The following UNC5D variants were observed in gnomAD, a reference collection of about 807,000 sequenced individuals.
UNC5D encodes unc-5 netrin receptor D.
In UNC5D, 39 loss-of-function variants were observed where a neutral mutation model predicts 105.4. The observed-to-expected ratio is 0.37, with a 90% CI of 0.29 to 0.48. UNC5D has a LOEUF of 0.48. Ranked by LOEUF, UNC5D falls within the 20% of genes least tolerant of loss-of-function variation. UNC5D has a pLI of 0.98. For missense variants in UNC5D, 991 were observed against 1,202.4 expected, an observed-to-expected ratio of 0.82 and a Z score of 2.60; for synonymous variants, 452 against 450.4, an observed-to-expected ratio of 1.00 and a Z score of -0.04.
At chr8:35,590,434 GT>G (rs1289384797) in intron 3 of UNC5D, among the ~76,000 whole-genome samples, 2 of 151,970 alleles carry the variant, frequency 1.3e-5, no homozygotes, top group Non-Finnish European at 2.9e-5. Flanking sequence ...CATTAATCTA[GT>G]TTTATTTTTT....
At chr8:35,466,835 A>C (rs749592879) in intron 1 of UNC5D, among the ~76,000 whole-genome samples, 1 of 152,222 alleles carries the variant, frequency 6.6e-6, no homozygotes. Context: ...GCACAACTGC[A>C]TGCTCCCAAG....
intron 3 of UNC5D, among the ~76,000 whole-genome samples, chr8:35,582,580 C>T (rs1818533410): frequency 6.6e-6 from 1 of 152,136 alleles, no homozygotes; most frequent in Non-Finnish European, 1.5e-5. Context: ...TTTACATGCT[C>T]ATGACACTGG....
chr8:35,270,446 G>T (rs7014149), intron 1 of UNC5D, among the ~76,000 whole-genome samples: 67,924 of 151,942 alleles, frequency 0.45, 15,591 homozygotes, highest in East Asian at 0.7. Context: ...AGCTTTATGA[G>T]AAACCATTTT....
chr8:35,548,403 C>T (rs879783996), intron 1 of UNC5D, among the ~76,000 whole-genome samples: 1 of 152,158 alleles, frequency 6.6e-6, no homozygotes, highest in Non-Finnish European at 1.5e-5. Context: ...GATGCCACTC[C>T]TCCTTGTCCT....
intron 1 of UNC5D, among the ~76,000 whole-genome samples, chr8:35,242,872 G>A (rs1367767022): frequency 6.6e-6 from 1 of 152,158 alleles, no homozygotes; most frequent in Non-Finnish European, 1.5e-5. Context: ...AGTCATTGGT[G>A]TCTTCTGTTA....
intron 4 of UNC5D, among the ~76,000 whole-genome samples, chr8:35,674,391 G>A (rs1825049506): frequency 6.6e-6 from 1 of 152,078 alleles, no homozygotes; most frequent in African/African-American, 2.4e-5. Context: ...GTATAAATGT[G>A]TGTGAGTGTG....
rs5890816 is a variant in UNC5D at position 35,482,793 on chromosome 8, C to CTTTTTTTTTTTT, written c.104-66484_104-66473dup. Among the ~76,000 whole-genome samples, 4 of 78,146 alleles carry CTTTTTTTTTTTT rather than the reference C, an allele frequency of 5.1e-5. 1 individual carries two copies. Among genetic ancestry groups the CTTTTTTTTTTTT allele is most frequent in the African/African-American group, 1.1e-4 (2 of 18,232 alleles). 51.3% of individuals were successfully genotyped at this position (78,146 alleles called of 152,430 possible). On this transcript the variant is annotated intron_variant, in intron 1 of 16. Transcript: ENST00000404895. ...TATATCAGTGTGTCATTAAAGAGAT[C>CTTTTTTTTTTTT]TTTTTTTTTTTTTTTTTTTTTTTTT...
At chr8:35,728,095 A>ATATATATATATATATATATATATATAT (rs1554596594) in intron 10 of UNC5D, among the ~76,000 whole-genome samples, 1 of 110,352 alleles carries the variant, frequency 9.1e-6, no homozygotes, top group African/African-American at 5.5e-5. Context: ...AAAAAAAAAA[A>ATATATATATATATATATATATATATAT]ATATATATAT....
chr8:35,260,270 A>G (rs1804389727), intron 1 of UNC5D, among the ~76,000 whole-genome samples: 1 of 152,098 alleles, frequency 6.6e-6, no homozygotes, highest in South Asian at 2.1e-4. Context: ...CATACAGTAG[A>G]CACCTCTGGA....
Position 35,726,473 on chromosome 8 carries a change from TGAG to T in UNC5D, c.1628_1630del (p.Arg543del), listed in dbSNP as rs1309399182. 6.2e-7 allele frequency: 1 copy of T among 1,613,972 alleles called. No homozygotes were observed. Among genetic ancestry groups the T allele is most frequent in the Non-Finnish European group, 8.5e-7 (1 of 1,180,016 alleles). On this transcript the variant is annotated inframe_deletion, in exon 10 of 17. Coordinates refer to ENST00000404895, the MANE Select transcript of UNC5D (RefSeq NM_080872.4). ...TCATCACTCCCCACAAGGACAGAAC[TGAG>T]GACAACTGGTGTCTTTGGCCATTTA...
chr8:35,247,165 G>T (rs1400571112), intron 1 of UNC5D, among the ~76,000 whole-genome samples: 9 of 151,976 alleles, frequency 5.9e-5, no homozygotes, highest in African/African-American at 2.2e-4. Context: ...GAATTCAAAA[G>T]AATGATACCA....
At chr8:35,662,467 A>G (rs1327786741) in intron 4 of UNC5D, among the ~76,000 whole-genome samples, 1 of 151,988 alleles carries the variant, frequency 6.6e-6, no homozygotes, top group African/African-American at 2.4e-5. Flanking sequence ...AAAAACAAAG[A>G]AAAAAAATGA....
At chr8:35,335,118 T>C (rs1375948192) in intron 1 of UNC5D, among the ~76,000 whole-genome samples, 1 of 152,252 alleles carries the variant, frequency 6.6e-6, no homozygotes, top group East Asian at 1.9e-4. Flanking sequence ...TATCAGTAGT[T>C]TGTTGCTTTT....
chr8:35,775,282 A>C (rs1802194356), intron 16 of UNC5D, among the ~76,000 whole-genome samples: 1 of 152,252 alleles, frequency 6.6e-6, no homozygotes, highest in Non-Finnish European at 1.5e-5. Flanking sequence ...GATGTGAAAT[A>C]AGCAAAAGCT....
intron 14 of UNC5D, among the ~76,000 whole-genome samples, chr8:35,764,660 A>G (rs990727197): frequency 9.2e-5 from 14 of 152,210 alleles, no homozygotes; most frequent in Admixed American, 8.5e-4. Flanking sequence ...GATCATAAGT[A>G]AAATATTTTT....
intron 4 of UNC5D, among the ~76,000 whole-genome samples, chr8:35,676,376 A>C (rs565749852): frequency 1.3e-5 from 2 of 152,332 alleles, no homozygotes; most frequent in South Asian, 2.1e-4. Flanking sequence ...TAGAAACCAG[A>C]TAAAGAATTG....
chr8:35,452,714 G>A (rs1808238660), intron 1 of UNC5D, among the ~76,000 whole-genome samples: 3 of 152,070 alleles, frequency 2.0e-5, no homozygotes, highest in Admixed American at 2.0e-4. Flanking sequence ...TGATGAATTT[G>A]CACAAGACAT....
chr8:35,237,298 C>A (rs1453038988), intron 1 of UNC5D, among the ~76,000 whole-genome samples: 1 of 148,724 alleles, frequency 6.7e-6, no homozygotes, highest in African/African-American at 2.5e-5. Flanking sequence ...AGTTCCTTCT[C>A]GTACTGGAAG....
At chr8:35,454,600 C>CAT (rs1003549588) in intron 1 of UNC5D, among the ~76,000 whole-genome samples, 4 of 151,922 alleles carry the variant, frequency 2.6e-5, no homozygotes, top group Admixed American at 6.6e-5. Context: ...TTAGTTTTCC[C>CAT]ATATATATAC....
Sources: gnomAD v4.1 joint callset for allele counts (sites outside exome capture counted in the v4.1 genomes callset) on GRCh38, gnomAD v4.1.1 for gene constraint, MANE v1.5 for transcripts, NCBI Gene and HGNC (gene_info 2026-07-23, HGNC 2026-07-21) for gene names.